AKT3: variants seen among roughly 807,000 people sequenced by gnomAD.
The protein encoded by AKT3 is AKT serine/threonine kinase 3.
AKT3 carries 15 observed loss-of-function variants against 65.3 expected under a neutral mutation model. The ratio of observed to expected loss-of-function variants is 0.23; its 90% CI spans 0.15 to 0.35. The LOEUF is 0.35. Ranked by LOEUF, AKT3 falls within the 10% of genes least tolerant of loss-of-function variation. The probability of loss-of-function intolerance (pLI) is 1.00; values close to 1 mark genes in which losing one functional copy is unlikely to be tolerated. For synonymous variants in AKT3, 206 were observed against 183.8 expected, an observed-to-expected ratio of 1.12 and a Z score of -0.98; for missense variants, 243 against 576.5, an observed-to-expected ratio of 0.42 and a Z score of 5.92.
At chr1:243,589,308 AAAAAAAAAAAAAAAAAG>A (rs1459360623) in intron 8 of AKT3, among the ~76,000 whole-genome samples, 22 of 147,640 alleles carry the variant, frequency 1.5e-4, no homozygotes, top group African/African-American at 4.4e-4. Context: ...CTCCATCTCA[AAAAAAAAAAAAAAAAAG>A]AAAAAAAAAG....
chr1:243,498,156 C>T (rs1192103471), downstream of AKT3, among the ~76,000 whole-genome samples: 1 of 152,192 alleles, frequency 6.6e-6, no homozygotes, highest in African/African-American at 2.4e-5. Context: ...AGTCATTTAG[C>T]AGGACTGTGC....
chr1:243,697,943 A>G (rs1456506639), intron 2 of AKT3, among the ~76,000 whole-genome samples: 5 of 151,756 alleles, frequency 3.3e-5, no homozygotes, highest in African/African-American at 1.2e-4. Flanking sequence ...CCTCCACATA[A>G]GTATGTAAGG....
chr1:243,731,706 G>A (rs890695094), intron 2 of AKT3, among the ~76,000 whole-genome samples: 1 of 152,208 alleles, frequency 6.6e-6, no homozygotes, highest in African/African-American at 2.4e-5. Flanking sequence ...TCTTTTTAGA[G>A]TCAAAAGTCA....
intron 3 of AKT3, among the ~76,000 whole-genome samples, chr1:243,683,491 C>CA (rs1301904780): frequency 6.6e-6 from 1 of 152,012 alleles, no homozygotes; most frequent in Non-Finnish European, 1.5e-5. Flanking sequence ...ACAGTAGGTG[C>CA]AAATGGTTGT....
At chr1:243,788,701 C>T (rs1572350774) in intron 2 of AKT3, 1 of 152,288 alleles carries the variant, frequency 6.6e-6, no homozygotes, top group Non-Finnish European at 1.5e-5. Flanking sequence ...AATGCACATA[C>T]CTTAATTAAG....
intron 8 of AKT3, among the ~76,000 whole-genome samples, chr1:243,592,313 C>T (rs1427743450): frequency 4.0e-5 from 6 of 150,592 alleles, no homozygotes; most frequent in South Asian, 4.2e-4. Flanking sequence ...CCAGCCTGGG[C>T]GACAGAGCGA....
At chr1:243,767,972 A>T (rs1689935946) in intron 2 of AKT3, among the ~76,000 whole-genome samples, 1 of 152,024 alleles carries the variant, frequency 6.6e-6, no homozygotes, top group Admixed American at 6.6e-5. Flanking sequence ...AAGCTTAGAA[A>T]ATTGCCTTAT....
chr1:243,676,273 T>G (rs762636909), intron 3 of AKT3, among the ~76,000 whole-genome samples: 46 of 152,148 alleles, frequency 3.0e-4, no homozygotes, highest in Admixed American at 5.2e-4. Context: ...GAACATTAAG[T>G]GCAGACTCAC....
chr1:243,845,786 C>A (rs1037197675), intron 1 of AKT3, among the ~76,000 whole-genome samples: 1 of 151,706 alleles, frequency 6.6e-6, no homozygotes, highest in Admixed American at 6.6e-5. Context: ...AGAATTTACC[C>A]CCAGATTAAA....
chr1:243,804,530 A>G (rs1692597420), intron 2 of AKT3, among the ~76,000 whole-genome samples: 2 of 152,176 alleles, frequency 1.3e-5, no homozygotes, highest in Non-Finnish European at 2.9e-5. Context: ...CTTAATATCC[A>G]CTATATCTGC....
chr1:243,618,761 T>G (rs1179794013), intron 6 of AKT3, among the ~76,000 whole-genome samples: 1 of 152,110 alleles, frequency 6.6e-6, no homozygotes, highest in Non-Finnish European at 1.5e-5. Flanking sequence ...ATTTTCCCAA[T>G]CCTCTCCAAT....
At chr1:243,514,020 AT>A (rs541214483) in intron 12 of AKT3, among the ~76,000 whole-genome samples, 51 of 151,930 alleles carry the variant, frequency 3.4e-4, no homozygotes, top group Non-Finnish European at 6.2e-4. Flanking sequence ...TGTTTTTTTT[AT>A]TTTTTTTAGA....
In AKT3 at chr1:243,552,864, C is replaced by T. The variant is rs2148466162; in HGVS notation, c.1028G>A (p.Arg343Lys). The change falls in exon 11 of 14, where the codon AGG becomes AAG. Residue 343 changes from arginine (R) to lysine (K), a missense_variant. Arg to Lys is a conservative substitution (Grantham distance 26). This residue lies in a region of AKT3 where 20 missense variants were observed against 68.4 expected (regional missense o/e 0.29). Transcript: ENST00000673466. Reference protein sequence around the residue: ...GVVMYEMMCGRLPFYNQDHEK... With the variant: ...GVVMYEMMCGKLPFYNQDHEK... ...ATGGTCCTGGTTGTAGAAAGGTAAC[C>T]TCCCACACATCATTTCATACATGAC... 1.2e-6 allele frequency: 2 copies of T among 1,613,934 alleles called. No homozygotes were observed. Among genetic ancestry groups the T allele is most frequent in the South Asian group, 1.1e-5 (1 of 91,058 alleles).
chr1:243,642,021 T>C (rs971909490), intron 5 of AKT3, among the ~76,000 whole-genome samples: 1 of 152,174 alleles, frequency 6.6e-6, no homozygotes, highest in African/African-American at 2.4e-5. Context: ...CAGCCTTCAC[T>C]GAACTTCACA....
chr1:243,668,073 T>C (rs1425996379), intron 3 of AKT3, among the ~76,000 whole-genome samples: 5 of 152,218 alleles, frequency 3.3e-5, no homozygotes. Context: ...ACATTTGATA[T>C]GAAGTTTTTT....
At chr1:243,804,092 T>G (rs528386130) in intron 2 of AKT3, among the ~76,000 whole-genome samples, 51 of 152,310 alleles carry the variant, frequency 3.3e-4, no homozygotes, top group Middle Eastern at 6.8e-3. Flanking sequence ...ATGCCTGAGA[T>G]CAGTCCATCT....
chr1:243,764,043 T>C (rs913660904), intron 2 of AKT3, among the ~76,000 whole-genome samples: 4 of 152,112 alleles, frequency 2.6e-5, no homozygotes, highest in Admixed American at 2.6e-4. Context: ...ACTGCCGATA[T>C]TTCTGAATGA....
At chr1:243,799,125 T>C (rs1692229060) in intron 2 of AKT3, among the ~76,000 whole-genome samples, 1 of 152,116 alleles carries the variant, frequency 6.6e-6, no homozygotes, top group South Asian at 2.1e-4. Context: ...TTGAGCTCTT[T>C]ATATCTTTAT....
In AKT3 at chr1:243,731,710, A is replaced by G. The variant is rs140932749; in HGVS notation, c.47-35994T>C. Among the ~76,000 whole-genome samples, 5 of 152,328 alleles carry G rather than the reference A, an allele frequency of 3.3e-5. No individual in the cohort carries two copies. In the East Asian group the frequency reaches 7.7e-4, roughly 23 times the overall value. ...TAGTTTGTGCCTCTTTTTAGAGTCA[A>G]AAGTCAGTAAGCTCAAGTCAGTAAG... On this transcript the variant is annotated intron_variant, in intron 2 of 13. Coordinates refer to ENST00000673466, the MANE Select transcript of AKT3 (RefSeq NM_005465.7).
Sources: gnomAD v4.1 joint callset for allele counts (sites outside exome capture counted in the v4.1 genomes callset) on GRCh38, gnomAD v4.1.1 for gene constraint, gnomAD v4.1.1 regional missense constraint, MANE v1.5 for transcripts, NCBI Gene and HGNC (gene_info 2026-07-23, HGNC 2026-07-21) for gene names.